Variants in SCOC observed in about 807,000 individuals in gnomAD.
The protein encoded by SCOC is short coiled coil protein.
In SCOC, 7 loss-of-function variants were observed where a neutral mutation model predicts 9.9. The observed-to-expected ratio is 0.71, with a 90% CI of 0.40 to 1.33. The LOEUF (loss-of-function observed/expected upper bound fraction) is 1.33. Ranked by LOEUF, SCOC falls within the 40% of genes most tolerant of loss-of-function variation. The probability of loss-of-function intolerance (pLI) is 0.01; values close to 1 mark genes in which losing one functional copy is unlikely to be tolerated. For missense variants in SCOC, 66 were observed against 89.7 expected (o/e 0.74, Z 1.07); for synonymous variants, 19 against 28.2 (o/e 0.67, Z 1.03).
chr4:140,359,110 C>G (rs140635066), intron 2 of SCOC, among the ~76,000 whole-genome samples: 2 of 105,402 alleles, frequency 1.9e-5, no homozygotes, highest in Non-Finnish European at 5.1e-5. Flanking sequence ...AGAGCGACAG[C>G]GTTTCATTTT....
chr4:140,383,933 G>T lies in SCOC; in HGVS notation c.*2829G>T, dbSNP rs1728636207. The T allele has an allele frequency of 6.6e-6, 1 of 152,202 alleles. No homozygotes were observed. The highest frequency in any genetic ancestry group is 6.5e-5 in the Admixed American group (1 of 15,282). The allele number at this position is 152,202 out of a possible 1,614,324, so 9.4% of individuals were successfully genotyped here. ...TAAGATTACACTGGGAATGTTACAT[G>T]CAGATCATCACTGCAAAGCTGGGTT... On this transcript the variant is annotated 3_prime_UTR_variant, in exon 4 of 4. Coordinates refer to ENST00000608372, the MANE Select transcript of SCOC (RefSeq NM_001153484.2).
intron 2 of SCOC, among the ~76,000 whole-genome samples, chr4:140,344,236 C>T (rs1335478855): frequency 6.6e-6 from 1 of 152,154 alleles, no homozygotes; most frequent in African/African-American, 2.4e-5. Flanking sequence ...GTTCATTCAA[C>T]ATCTTGGAAA....
chr4:140,292,700 C>G (rs1173320338), intron 1 of SCOC, among the ~76,000 whole-genome samples: 1 of 152,154 alleles, frequency 6.6e-6, no homozygotes, highest in Non-Finnish European at 1.5e-5. Flanking sequence ...GTTGCTGTAT[C>G]TTTCTGAATT....
chr4:140,265,871 T>C (rs1012378038), intron 1 of SCOC, among the ~76,000 whole-genome samples: 1 of 152,228 alleles, frequency 6.6e-6, no homozygotes, highest in Non-Finnish European at 1.5e-5. Context: ...ATGTGAACTC[T>C]TCTCTCTCCC....
In SCOC at chr4:140,385,023, GAAAT is replaced by G. The variant is rs1728660024; in HGVS notation, c.*3924_*3927del. ...TCAGACTTCCAGCTTCCAAAACTGAGAAATAAATTTGTTTATAAGCCACCCAGTC... is the reference window on the plus strand; with the variant it reads ...TCAGACTTCCAGCTTCCAAAACTGAGAAATTTGTTTATAAGCCACCCAGTC... On this transcript the variant is annotated 3_prime_UTR_variant, in exon 4 of 4. Coordinates refer to ENST00000608372, the MANE Select transcript of SCOC (RefSeq NM_001153484.2). The G allele has an allele frequency of 6.6e-6, 1 of 152,036 alleles. No homozygotes were observed. The highest frequency in any genetic ancestry group is 2.1e-4 in the South Asian group (1 of 4,800). 9.4% of individuals were successfully genotyped at this position (152,036 alleles called of 1,614,324 possible). A position where few individuals can be genotyped will look rare whatever the true frequency, so the allele number is the denominator to read the frequency against.
intron 1 of SCOC, among the ~76,000 whole-genome samples, chr4:140,278,004 A>C (rs145567587): frequency 1.3e-5 from 2 of 152,246 alleles, no homozygotes; most frequent in African/African-American, 4.8e-5. Flanking sequence ...CAGTTCACAC[A>C]GTTTATATAA....
chr4:140,285,044 T>C, intron 1 of SCOC: 1 of 377,376 alleles, frequency 2.6e-6, no homozygotes, highest in Non-Finnish European at 5.3e-6. Flanking sequence ...TGCCAGCCAT[T>C]GTGTTAAAAG....
intron 1 of SCOC, among the ~76,000 whole-genome samples, chr4:140,334,596 C>T (rs757856809): frequency 5.3e-5 from 8 of 151,828 alleles, no homozygotes; most frequent in East Asian, 1.9e-4. Flanking sequence ...GTGGTAAGAG[C>T]GCTTAATGTG....
intron 1 of SCOC, among the ~76,000 whole-genome samples, chr4:140,267,697 G>A (rs1231277576): frequency 2.0e-5 from 3 of 152,036 alleles, no homozygotes; most frequent in African/African-American, 7.2e-5. Flanking sequence ...GAGACTCCGC[G>A]AGGCACCCTG....
upstream of SCOC, among the ~76,000 whole-genome samples, chr4:140,339,589 C>T (rs1469725052): frequency 3.3e-5 from 5 of 152,054 alleles, no homozygotes; most frequent in African/African-American, 1.2e-4. Flanking sequence ...ACAATGAACT[C>T]AAACAAATTT....
intron 1 of SCOC, among the ~76,000 whole-genome samples, chr4:140,263,771 G>A (rs1222701013): frequency 2.0e-5 from 3 of 152,156 alleles, no homozygotes; most frequent in African/African-American, 7.2e-5. Context: ...AACTCAGGAA[G>A]GGTCACAGAG....
intron 2 of SCOC, among the ~76,000 whole-genome samples, chr4:140,367,098 C>T (rs993639985): frequency 4.0e-5 from 6 of 151,844 alleles, no homozygotes; most frequent in Middle Eastern, 3.4e-3. Context: ...TCCAGTTGCT[C>T]GGGAGGCTGA....
chr4:140,269,486 T>C (rs1730797399), intron 1 of SCOC, among the ~76,000 whole-genome samples: 1 of 152,050 alleles, frequency 6.6e-6, no homozygotes, highest in South Asian at 2.1e-4. Flanking sequence ...GGAGCTCAGC[T>C]TCAAGCCATC....
At chr4:140,286,631 G>C (rs759262170) in intron 1 of SCOC, among the ~76,000 whole-genome samples, 1 of 152,238 alleles carries the variant, frequency 6.6e-6, no homozygotes, top group Non-Finnish European at 1.5e-5. Context: ...ATGTGCAGCC[G>C]TGTGCCCGCG....
chr4:140,305,035 G>A (rs1731926435), intron 1 of SCOC, among the ~76,000 whole-genome samples: 2 of 152,154 alleles, frequency 1.3e-5, no homozygotes, highest in African/African-American at 4.8e-5. Flanking sequence ...CTTCAGGCAT[G>A]AGCTCGTCTC....
intron 1 of SCOC, among the ~76,000 whole-genome samples, chr4:140,324,256 A>G (rs960403622): frequency 6.6e-6 from 1 of 152,190 alleles, no homozygotes; most frequent in Non-Finnish European, 1.5e-5. Flanking sequence ...CATACTTAAG[A>G]GTAAAATACT....
intron 2 of SCOC, among the ~76,000 whole-genome samples, chr4:140,364,717 T>C (rs1334599510): frequency 2.0e-5 from 3 of 152,184 alleles, no homozygotes; most frequent in African/African-American, 4.8e-5. Context: ...TCTGGATTGT[T>C]TCCATCAATG....
At chr4:140,303,139 TA>T (rs1011648118) in intron 1 of SCOC, among the ~76,000 whole-genome samples, 26 of 150,974 alleles carry the variant, frequency 1.7e-4, no homozygotes, top group African/African-American at 5.1e-4. Context: ...ACCTAGAGCT[TA>T]AAAAAAAAGC....
At chr4:140,379,046 A>G (rs1322270009) in intron 1 of SCOC, 75 bp from the exon 2 acceptor site, 3 of 921,406 alleles carry the variant, frequency 3.3e-6, no homozygotes, top group Non-Finnish European at 5.4e-6. Context: ...AGTTAACAAA[A>G]TCATCCTCCT....
Sources: allele counts gnomAD v4.1 joint callset (sites outside exome capture counted in the v4.1 genomes callset), GRCh38; gene constraint gnomAD v4.1.1; transcripts MANE v1.5; gene names NCBI Gene and HGNC (gene_info 2026-07-23, HGNC 2026-07-21).